CBFA2T2: variants seen among roughly 807,000 people sequenced by gnomAD.
CBFA2T2 encodes the protein CBFA2/RUNX1 partner transcriptional co-repressor 2.
A neutral mutation model predicts 62.2 loss-of-function variants in CBFA2T2; 11 were observed. The observed-to-expected ratio is 0.18, with a 90% CI of 0.11 to 0.29. The LOEUF (loss-of-function observed/expected upper bound fraction) is 0.29, where lower values mean the gene tolerates loss of function less well. CBFA2T2 is among the 10% of genes least tolerant of loss of function. The pLI is 1.00. For missense variants in CBFA2T2, 592 were observed against 774.1 expected, an observed-to-expected ratio of 0.76 and a Z score of 2.79; for synonymous variants, 295 against 287.5, an observed-to-expected ratio of 1.03 and a Z score of -0.27.
chr20:33,611,432 A>G (rs2015525023), intron 3 of CBFA2T2, 97 bp downstream of exon 3: 1 of 1,392,556 alleles, frequency 7.2e-7, no homozygotes, highest in African/African-American at 1.4e-5. Flanking sequence ...TTTCAAACCC[A>G]TGGTCATATG....
At chr20:33,557,912 C>G (rs957139518) in intron 1 of CBFA2T2, among the ~76,000 whole-genome samples, 3 of 151,726 alleles carry the variant, frequency 2.0e-5, no homozygotes, top group African/African-American at 7.3e-5. Flanking sequence ...CTCGGCTCAC[C>G]GCAACCTCCG....
chr20:33,602,437 TAA>T (rs199791529), intron 1 of CBFA2T2, among the ~76,000 whole-genome samples: 1,617 of 132,420 alleles, frequency 0.012, 37 homozygotes, highest in African/African-American at 0.041. Flanking sequence ...AGTCTCTGAT[TAA>T]AAAAAAAAAA....
At chr20:33,563,289 G>A (rs1189388663) in intron 1 of CBFA2T2, among the ~76,000 whole-genome samples, 2 of 152,144 alleles carry the variant, frequency 1.3e-5, no homozygotes, top group African/African-American at 4.8e-5. Context: ...GTTTTGTGAT[G>A]CAATAAATTC....
chr20:33,504,986 CA>C (rs1341212814), intron 1 of CBFA2T2, among the ~76,000 whole-genome samples: 1 of 152,190 alleles, frequency 6.6e-6, no homozygotes, highest in Non-Finnish European at 1.5e-5. Context: ...ATTTACACAT[CA>C]TTTGCAGAAA....
At chr20:33,525,728 C>T (rs1340951007) in intron 1 of CBFA2T2, among the ~76,000 whole-genome samples, 5 of 152,098 alleles carry the variant, frequency 3.3e-5, no homozygotes, top group African/African-American at 9.7e-5. Context: ...CACAGCTCAT[C>T]GCAGCCTCGA....
In CBFA2T2 at chr20:33,639,057, T is replaced by A. The variant is rs185680500; in HGVS notation, c.1298-1284T>A. 1.2e-4 allele frequency: 19 copies of A among 152,374 alleles called. No individual in the cohort carries two copies. In the East Asian group the frequency reaches 3.3e-3, roughly 26 times the overall value. The allele number at this position is 152,374 out of a possible 1,614,324, so 9.4% of individuals were successfully genotyped here. On this transcript the variant is annotated intron_variant, in intron 9 of 10. Coordinates refer to ENST00000342704, the MANE Select transcript of CBFA2T2 (RefSeq NM_001032999.3). ...GCCTCCACACTAGCTTTGTGTGGAC[T>A]GTCCATTTCATTGCCTAGCTTTAGC...
rs1171598907 is a variant in CBFA2T2 at position 33,649,700 on chromosome 20, G to A, written c.*5054G>A. 5 of 152,504 alleles carry A rather than the reference G, an allele frequency of 3.3e-5. No individual in the cohort carries two copies. The East Asian group carries it at 9.6e-4, about 29-fold the overall frequency. The allele number at this position is 152,504 out of a possible 1,614,324, so 9.4% of individuals were successfully genotyped here. On this transcript the variant is annotated 3_prime_UTR_variant, in exon 11 of 11. Transcript: ENST00000342704. Reference sequence around the variant, plus strand: ...TAGGCGAATGATTGAAAGGGCTGCTGCGCCAAGAGGCCTTCAGTCCCCTTA... The same window carrying A: ...TAGGCGAATGATTGAAAGGGCTGCTACGCCAAGAGGCCTTCAGTCCCCTTA...
intron 3 of CBFA2T2, 58 bp from the exon 4 acceptor site, chr20:33,619,459 C>T: frequency 2.4e-6 from 2 of 822,462 alleles, no homozygotes; most frequent in Non-Finnish European, 1.9e-6. Flanking sequence ...AAGAGTTTGG[C>T]ACTATAAGTT....
At chr20:33,522,601 G>A (rs992846967) in intron 1 of CBFA2T2, among the ~76,000 whole-genome samples, 1 of 152,010 alleles carries the variant, frequency 6.6e-6, no homozygotes, top group African/African-American at 2.4e-5. Context: ...ATTTAGCTGG[G>A]CTTCGTGATA....
Position 33,519,986 on chromosome 20 carries a change from A to C in CBFA2T2, c.34+29685A>C, listed in dbSNP as rs144661573. ...ATGTGGAAGAAACCTCATCTCTACT[A>C]AAAATAAAAAATTAGCCAGGCATGG... On this transcript the variant is annotated intron_variant, in intron 1 of 10. Coordinates refer to ENST00000342704, the MANE Select transcript of CBFA2T2 (RefSeq NM_001032999.3). Among the ~76,000 whole-genome samples the C allele has an allele frequency of 4.2e-3, 637 of 152,158 alleles. 4 individuals are homozygous for C. Among genetic ancestry groups the C allele is most frequent in the African/African-American group, 0.014 (591 of 41,510 alleles).
intron 1 of CBFA2T2, among the ~76,000 whole-genome samples, chr20:33,558,248 C>T (rs997396359): frequency 3.3e-5 from 5 of 151,952 alleles, no homozygotes; most frequent in African/African-American, 9.7e-5. Context: ...TCTCCTGCCT[C>T]GGCCACCAGA....
intron 2 of CBFA2T2, 144 bp downstream of exon 2, chr20:33,607,243 G>GT (rs1431896910): frequency 1.5e-6 from 1 of 649,298 alleles, no homozygotes; most frequent in African/African-American, 1.9e-5. Flanking sequence ...ATTTCTGGTT[G>GT]TTTCTTTTAT....
At chr20:33,640,567 GCTGGAGTGACCACGCCCGCTGC>G in intron 10 of CBFA2T2, 36 bp downstream of exon 10, 3 of 1,601,540 alleles carry the variant, frequency 1.9e-6, no homozygotes, top group Non-Finnish European at 2.6e-6. Flanking sequence ...GGGGTGAGCA[GCTGGAGTGACCACGCCCGCTGC>G]CTTCCTCTCA....
At chr20:33,629,641 A>G (rs1379995294) in intron 7 of CBFA2T2, 78 bp from the exon 8 acceptor site, 8 of 1,294,950 alleles carry the variant, frequency 6.2e-6, no homozygotes, top group Non-Finnish European at 8.6e-6. Context: ...AATTCCTCAT[A>G]TTGCGTTGGC....
chr20:33,618,726 A>T (rs1217833278), intron 3 of CBFA2T2, among the ~76,000 whole-genome samples: 7 of 152,178 alleles, frequency 4.6e-5, no homozygotes, highest in African/African-American at 1.7e-4. Context: ...TGGAAAAAGA[A>T]ATGAACTTTT....
chr20:33,490,396 G>C, intron 1 of CBFA2T2, 95 bp downstream of exon 1: 3 of 1,158,934 alleles, frequency 2.6e-6, no homozygotes, highest in Non-Finnish European at 3.3e-6. Context: ...GCGCGAGGCC[G>C]GGAGTGGAAA....
At chr20:33,624,012 A>G (rs1342332581) in intron 5 of CBFA2T2, 6 of 560,676 alleles carry the variant, frequency 1.1e-5, no homozygotes, top group South Asian at 5.2e-5. Context: ...CAATCTGCCA[A>G]ATGCCTTTTA....
intron 1 of CBFA2T2, among the ~76,000 whole-genome samples, chr20:33,567,001 T>A (rs931716303): frequency 2.6e-5 from 4 of 152,208 alleles, no homozygotes; most frequent in African/African-American, 9.6e-5. Context: ...CTCTGTGGAT[T>A]GTTTAATTTT....
intron 1 of CBFA2T2, among the ~76,000 whole-genome samples, chr20:33,590,100 G>T (rs1353954436): frequency 6.6e-6 from 1 of 151,818 alleles, no homozygotes; most frequent in Non-Finnish European, 1.5e-5. Context: ...AGAAAAATTA[G>T]CTGGACATGT....
Sources: allele counts gnomAD v4.1 joint callset (sites outside exome capture counted in the v4.1 genomes callset), GRCh38; gene constraint gnomAD v4.1.1; transcripts MANE v1.5; gene names NCBI Gene and HGNC (gene_info 2026-07-23, HGNC 2026-07-21).